SGCZ: variants seen among roughly 807,000 people sequenced by gnomAD.
SGCZ encodes the protein sarcoglycan zeta.
Under a neutral mutation model 41.3 loss-of-function variants are expected in SGCZ, and 40 were observed. The observed-to-expected ratio is 0.97, with a 90% confidence interval of 0.75 to 1.26. The LOEUF (loss-of-function observed/expected upper bound fraction) is 1.26. SGCZ is among the 50% of genes most tolerant of loss of function. SGCZ has a pLI of 0.00. For missense variants in SGCZ, 552 were observed against 369.8 expected (o/e 1.49, Z -4.04); for synonymous variants, 206 against 137.5 (o/e 1.50, Z -3.49).
chr8:14,851,702 T>C (rs1803331322), intron 1 of SGCZ, among the ~76,000 whole-genome samples: 2 of 152,180 alleles, frequency 1.3e-5, no homozygotes, highest in Admixed American at 1.3e-4. Context: ...TTATAGAACA[T>C]GATTTTCCAT....
At chr8:14,706,123 T>A (rs1399556454) in intron 1 of SGCZ, among the ~76,000 whole-genome samples, 1 of 152,088 alleles carries the variant, frequency 6.6e-6, no homozygotes, top group African/African-American at 2.4e-5. Context: ...CCCCATGGTC[T>A]AATAGCTTTT....
intron 1 of SGCZ, among the ~76,000 whole-genome samples, chr8:14,643,435 GT>G (rs1807091913): frequency 6.6e-6 from 1 of 151,358 alleles, no homozygotes; most frequent in Non-Finnish European, 1.5e-5. Flanking sequence ...AGATTATTTT[GT>G]TCCTAAAATT....
chr8:14,582,304 A>T (rs1166506609), intron 1 of SGCZ, among the ~76,000 whole-genome samples: 1 of 152,110 alleles, frequency 6.6e-6, no homozygotes, highest in African/African-American at 2.4e-5. Flanking sequence ...AATTTATAGG[A>T]AAATTTTCAA....
chr8:14,133,481 G>A (rs538297526), intron 5 of SGCZ, among the ~76,000 whole-genome samples: 1 of 152,064 alleles, frequency 6.6e-6, no homozygotes, highest in Non-Finnish European at 1.5e-5. Flanking sequence ...GGTTACAAGA[G>A]ACACATACAA....
At chr8:15,083,742 GT>G (rs1034577332) in intron 1 of SGCZ, among the ~76,000 whole-genome samples, 9 of 151,982 alleles carry the variant, frequency 5.9e-5, no homozygotes, top group Middle Eastern at 6.8e-3. Flanking sequence ...TGTTTTTTGG[GT>G]TTTTTGTTGT....
intron 1 of SGCZ, among the ~76,000 whole-genome samples, chr8:15,008,613 G>A (rs544599362): frequency 1.3e-4 from 10 of 79,248 alleles, no homozygotes; most frequent in African/African-American, 4.8e-4. Context: ...CGGACAGACT[G>A]ATGGACGGAT....
intron 1 of SGCZ, among the ~76,000 whole-genome samples, chr8:14,894,504 A>T (rs1251772387): frequency 6.6e-6 from 1 of 152,132 alleles, no homozygotes; most frequent in Non-Finnish European, 1.5e-5. Context: ...GACTCTTCAA[A>T]TTTGCTCCCC....
At position 14,384,381 on chromosome 8, in the gene SGCZ, C is replaced by T. The variant is rs139739736; in HGVS notation, c.235-60177G>A. On this transcript the variant is annotated intron_variant, in intron 2 of 7. Coordinates refer to ENST00000382080, the MANE Select transcript of SGCZ (RefSeq NM_139167.4). ...TGGAACCAACCCAAATGTCGACCAA[C>T]GATAGACTGGATTAAGAAAATGTGG... is the stretch of plus-strand genomic sequence containing the variant. Among the ~76,000 whole-genome samples, 685 of 151,874 alleles carry T rather than the reference C, an allele frequency of 4.5e-3. 3 individuals are homozygous for T. The highest frequency in any genetic ancestry group is 0.015 in the African/African-American group (606 of 41,398).
rs577581858 is a variant in SGCZ, at chr8:14,094,647, T to G, written c.745-4010A>C. On this transcript the variant is annotated intron_variant, in intron 7 of 7. Transcript: ENST00000382080. ...ATGATTTATAATCTTTTGGGTATAA[T>G]CACAGTAACGGGATTGATGGGTCAA... 3.9e-5 allele frequency among the ~76,000 whole-genome samples: 6 copies of G among 152,148 alleles called. No individual in the cohort carries two copies. The South Asian group carries it at 1.2e-3, about 32-fold the overall frequency.
intron 3 of SGCZ, among the ~76,000 whole-genome samples, chr8:14,241,992 C>T (rs1214128216): frequency 6.6e-6 from 1 of 152,124 alleles, no homozygotes; most frequent in Non-Finnish European, 1.5e-5. Flanking sequence ...ATATTCAGCA[C>T]TCTGCTAACC....
chr8:15,190,699 G>C (rs1800507557), intron 1 of SGCZ, among the ~76,000 whole-genome samples: 2 of 150,076 alleles, frequency 1.3e-5, no homozygotes, highest in Non-Finnish European at 3.0e-5. Context: ...GTGTGCGTGT[G>C]TCGTGGGGGA....
At chr8:14,403,376 A>C (rs1180605339) in intron 2 of SGCZ, among the ~76,000 whole-genome samples, 1 of 151,152 alleles carries the variant, frequency 6.6e-6, no homozygotes, top group African/African-American at 2.5e-5. Flanking sequence ...CCACTTTTCA[A>C]AGGGAATGCT....
chr8:14,290,789 T>C (rs7832740), intron 3 of SGCZ, among the ~76,000 whole-genome samples: 8,444 of 152,128 alleles, frequency 0.056, 743 homozygotes, highest in African/African-American at 0.19. Context: ...GGAGGTTCCC[T>C]CATAAGCTAC....
intron 1 of SGCZ, among the ~76,000 whole-genome samples, chr8:14,885,785 T>A (rs923743869): frequency 6.6e-6 from 1 of 151,684 alleles, no homozygotes; most frequent in Non-Finnish European, 1.5e-5. Flanking sequence ...AATTGCAGAA[T>A]CTTTGAGGGG....
chr8:14,250,401 C>T (rs903256595), intron 3 of SGCZ, among the ~76,000 whole-genome samples: 1 of 152,086 alleles, frequency 6.6e-6, no homozygotes, highest in Non-Finnish European at 1.5e-5. Context: ...TAAAGCAATA[C>T]TGCAGTTAAG....
At chr8:14,244,330 A>T (rs2117187819) in intron 3 of SGCZ, among the ~76,000 whole-genome samples, 1 of 152,050 alleles carries the variant, frequency 6.6e-6, no homozygotes, top group East Asian at 1.9e-4. Flanking sequence ...TTTCCGTGAA[A>T]CAAGTCATAT....
intron 2 of SGCZ, among the ~76,000 whole-genome samples, chr8:14,460,887 T>C (rs1800883300): frequency 6.6e-6 from 1 of 152,212 alleles, no homozygotes; most frequent in Admixed American, 6.5e-5. Flanking sequence ...AATAAAATGA[T>C]AGCTGATACT....
intron 4 of SGCZ, among the ~76,000 whole-genome samples, chr8:14,187,571 A>C (rs1214129517): frequency 6.6e-6 from 1 of 152,138 alleles, no homozygotes; most frequent in African/African-American, 2.4e-5. Context: ...AAATATACTG[A>C]TTGAAAAAAA....
intron 1 of SGCZ, among the ~76,000 whole-genome samples, chr8:14,761,626 G>A (rs548601856): frequency 5.8e-4 from 87 of 150,530 alleles, no homozygotes; most frequent in African/African-American, 1.9e-3. Context: ...CTTACCTCCC[G>A]GATTCGAACA....
Sources: allele counts gnomAD v4.1 joint callset (sites outside exome capture counted in the v4.1 genomes callset), GRCh38; gene constraint gnomAD v4.1.1; transcripts MANE v1.5; gene names NCBI Gene and HGNC (gene_info 2026-07-23, HGNC 2026-07-21).